CAPZB: variants seen among roughly 807,000 people sequenced by gnomAD.
The protein encoded by CAPZB is capping actin protein of muscle Z-line subunit beta.
CAPZB carries 2 observed loss-of-function variants against 38.1 expected under a neutral mutation model. That is an observed-to-expected ratio of 0.05 (90% CI 0.02 to 0.17). The LOEUF (loss-of-function observed/expected upper bound fraction) is 0.17, where lower values mean the gene tolerates loss of function less well. Ranked by LOEUF, CAPZB falls within the 10% of genes least tolerant of loss-of-function variation. The probability of loss-of-function intolerance (pLI) is 1.00; values close to 1 mark genes in which losing one functional copy is unlikely to be tolerated. For synonymous variants in CAPZB, 107 were observed against 127.4 expected (o/e 0.84, Z 1.08); for missense variants, 161 against 334.2 (o/e 0.48, Z 4.04).
Position 19,357,347 on chromosome 1 carries a change from A to T in CAPZB, c.471+75T>A. On this transcript the variant is annotated intron_variant, in intron 5 of 8. Coordinates refer to ENST00000264202, the MANE Select transcript of CAPZB (RefSeq NM_004930.5). This position sits in a 1 kb window ranked among gnomAD's most constrained non-coding sequence, Gnocchi z 4.3. The stretch of plus-strand genomic sequence containing the variant: ...ACAGCATCCCCCTACTGCATCTGTT[A>T]GAGAGCAGCGCGGCACTGGTTGGTG... The T allele has an allele frequency of 7.3e-7, 1 of 1,369,756 alleles. No homozygotes were observed. Among genetic ancestry groups the T allele is most frequent in the Non-Finnish European group, 1.0e-6 (1 of 968,660 alleles). 84.9% of individuals were successfully genotyped at this position (1,369,756 alleles called of 1,614,324 possible). A position where few individuals can be genotyped will look rare whatever the true frequency, so the allele number is the denominator to read the frequency against.
At chr1:19,351,553 A>G (rs1418830556) in intron 6 of CAPZB, among the ~76,000 whole-genome samples, 2 of 152,154 alleles carry the variant, frequency 1.3e-5, no homozygotes, top group East Asian at 3.8e-4. Context: ...TGGCCAAACA[A>G]TCTTCTTGCC....
At chr1:19,427,932 G>A (rs2094429052) in intron 1 of CAPZB, among the ~76,000 whole-genome samples, 1 of 152,184 alleles carries the variant, frequency 6.6e-6, no homozygotes, top group African/African-American at 2.4e-5. Flanking sequence ...TAAAAACCAT[G>A]CAACATAAAA....
At chr1:19,479,958 C>T (rs1002776774) in intron 1 of CAPZB, among the ~76,000 whole-genome samples, 2 of 152,072 alleles carry the variant, frequency 1.3e-5, no homozygotes, top group Non-Finnish European at 2.9e-5. Flanking sequence ...TTGACCATAC[C>T]CCACCCTGTC....
chr1:19,396,440 C>T (rs2094269592), intron 2 of CAPZB, among the ~76,000 whole-genome samples: 1 of 152,182 alleles, frequency 6.6e-6, no homozygotes, highest in Admixed American at 6.5e-5. Context: ...TTCCTGACTG[C>T]CAGCCCTGAG....
rs531893184 is a variant in CAPZB, at chr1:19,479,164, C to T, written c.3+6272G>A. Among the ~76,000 whole-genome samples the T allele has an allele frequency of 1.1e-4, 16 of 152,270 alleles. 1 individual carries two copies. The highest frequency in any genetic ancestry group is 6.2e-4 in the South Asian group (3 of 4,830). Reference sequence around the variant, plus strand: ...GACGGAGGTTGCAGGGAGTCGAGATCGTGCCACTGTACTCCAGCCTAGGTG... The same window carrying T: ...GACGGAGGTTGCAGGGAGTCGAGATTGTGCCACTGTACTCCAGCCTAGGTG... On this transcript the variant is annotated intron_variant, in intron 1 of 8. Transcript: ENST00000264202.
intron 2 of CAPZB, among the ~76,000 whole-genome samples, chr1:19,397,830 G>GC (rs2094280465): frequency 4.8e-5 from 1 of 20,980 alleles, no homozygotes; most frequent in Admixed American, 4.5e-4. Context: ...TAAGAATGCA[G>GC]GGGGAAGCCT....
chr1:19,419,747 C>T lies in CAPZB; in HGVS notation c.7G>A (p.Asp3Asn). The T allele has an allele frequency of 6.4e-7, 1 of 1,563,714 alleles. No individual in the cohort carries two copies. The change falls in exon 2 of 9, where the codon GAT (aspartate) becomes AAT (asparagine). Residue 3 changes from aspartate to asparagine, a missense_variant. Coordinates refer to ENST00000264202, the MANE Select transcript of CAPZB (RefSeq NM_004930.5). MS[D>N]QQLDCALDLM... The stretch of plus-strand genomic sequence containing the variant: ...TCCAAGGCACAGTCCAGCTGCTGAT[C>T]ACTCTGTGGAGGGAGAAATACAAGT...
chr1:19,459,589 C>CG (rs1490277686), intron 1 of CAPZB, among the ~76,000 whole-genome samples: 4 of 152,094 alleles, frequency 2.6e-5, no homozygotes, highest in African/African-American at 9.7e-5. Context: ...TGCCAGTACC[C>CG]GGACAGCCAC....
At chr1:19,379,092 T>TTTCC (rs1553273260) in intron 3 of CAPZB, among the ~76,000 whole-genome samples, 121 of 131,198 alleles carry the variant, frequency 9.2e-4, no homozygotes, top group African/African-American at 3.6e-3. Flanking sequence ...ACCTATTTTT[T>TTTCC]TTTCTTTCTT....
chr1:19,380,542 C>T (rs2094168724), intron 3 of CAPZB, among the ~76,000 whole-genome samples: 1 of 152,266 alleles, frequency 6.6e-6, no homozygotes, highest in African/African-American at 2.4e-5. Flanking sequence ...CGCGGGCTGA[C>T]CTGTCAGTTC....
Position 19,357,085 on chromosome 1 carries a change from G to T in CAPZB, c.472-334C>A, listed in dbSNP as rs544765188. Among the ~76,000 whole-genome samples, 1 of 152,184 alleles carries T rather than the reference G, an allele frequency of 6.6e-6. No homozygotes were observed. Among genetic ancestry groups the T allele is most frequent in the South Asian group, 2.1e-4 (1 of 4,824 alleles). On this transcript the variant is annotated intron_variant, in intron 5 of 8. Transcript: ENST00000264202. The surrounding 1 kb of genome is among the most constrained non-coding windows in gnomAD (Gnocchi z 4.3). ...TCGCCATATTGGCCAGGCTGGTCTT[G>T]AACTCCTGACCTCCGGTGATCTGCC...
chr1:19,431,040 G>A (rs974906038), intron 1 of CAPZB, among the ~76,000 whole-genome samples: 2 of 152,138 alleles, frequency 1.3e-5, no homozygotes, highest in East Asian at 3.8e-4. Context: ...CACTAAAGGG[G>A]ACCCTAGAAA....
intron 4 of CAPZB, among the ~76,000 whole-genome samples, chr1:19,376,327 C>T (rs936891275): frequency 5.3e-5 from 8 of 152,206 alleles, no homozygotes; most frequent in African/African-American, 1.9e-4. Context: ...TTTCCACTTC[C>T]ACCTTCAAAC....
At position 19,479,408 on chromosome 1, in the gene CAPZB, C is replaced by T. The variant is rs146971815; in HGVS notation, c.3+6028G>A. Among the ~76,000 whole-genome samples the T allele has an allele frequency of 1.9e-3, 296 of 152,276 alleles. 2 individuals are homozygous for T. The highest frequency in any genetic ancestry group is 6.8e-3 in the African/African-American group (283 of 41,548). On this transcript the variant is annotated intron_variant, in intron 1 of 8. Transcript: ENST00000264202. ...TCACTGGGCTACCCAGACTGAAATC[C>T]CCATTCAGTTGTTAACAGGCTCTCA...
intron 6 of CAPZB, among the ~76,000 whole-genome samples, chr1:19,351,861 C>T (rs1397742055): frequency 6.6e-6 from 1 of 152,218 alleles, no homozygotes; most frequent in African/African-American, 2.4e-5. Context: ...CCGGTCCCTT[C>T]GTCTCCTGTT....
At chr1:19,348,233 T>C (rs1222400918) in intron 6 of CAPZB, among the ~76,000 whole-genome samples, 1 of 151,798 alleles carries the variant, frequency 6.6e-6, no homozygotes, top group Non-Finnish European at 1.5e-5. Flanking sequence ...CCCAGCTACA[T>C]CTGCAGGGCT....
At chr1:19,485,352 T>G (rs1200013953) in intron 1 of CAPZB, 84 bp downstream of exon 1, 2 of 1,015,052 alleles carry the variant, frequency 2.0e-6, no homozygotes, top group Admixed American at 4.3e-5. Flanking sequence ...AAGCCACCCG[T>G]CCCAGGCCAG....
chr1:19,346,831 T>C (rs1259459294), intron 6 of CAPZB, among the ~76,000 whole-genome samples: 5 of 145,278 alleles, frequency 3.4e-5, no homozygotes, highest in Admixed American at 1.4e-4. Flanking sequence ...TTTTTTTTTT[T>C]TTTTTTTTTG....
chr1:19,401,908 T>C (rs1414442922), intron 2 of CAPZB, among the ~76,000 whole-genome samples: 2 of 152,200 alleles, frequency 1.3e-5, no homozygotes, highest in African/African-American at 4.8e-5. Context: ...CCCAAACAGC[T>C]AATACCCTTC....
Sources: allele counts gnomAD v4.1 joint callset (sites outside exome capture counted in the v4.1 genomes callset), GRCh38; gene constraint gnomAD v4.1.1; non-coding constraint Gnocchi (gnomAD v3.1); transcripts MANE v1.5; gene names NCBI Gene and HGNC (gene_info 2026-07-23, HGNC 2026-07-21).